ZSWIM6: variants seen among roughly 807,000 people sequenced by gnomAD.
ZSWIM6 encodes zinc finger SWIM domain-containing protein 6.
ZSWIM6 carries 9 observed loss-of-function variants against 113.2 expected under a neutral mutation model. That is an observed-to-expected ratio of 0.08 (90% CI 0.05 to 0.14). The LOEUF is 0.14. Among genes scored for constraint, ZSWIM6 ranks in the 10% least tolerant of loss-of-function variants. The probability of loss-of-function intolerance (pLI) is 1.00; values close to 1 mark genes in which losing one functional copy is unlikely to be tolerated. For missense variants in ZSWIM6, 1,162 were observed against 1,552.2 expected (o/e 0.75, Z 4.22); for synonymous variants, 611 against 606.5 (o/e 1.01, Z -0.11).
intron 4 of ZSWIM6, among the ~76,000 whole-genome samples, chr5:61,509,693 C>CATTCCTACCATTATTAT (rs1748727682): frequency 6.6e-6 from 1 of 151,996 alleles, no homozygotes; most frequent in African/African-American, 2.4e-5. Flanking sequence ...ATTTAAAAGT[C>CATTCCTACCATTATTAT]GCTTATTGAA....
intron 5 of ZSWIM6, among the ~76,000 whole-genome samples, chr5:61,522,996 G>A (rs1055841551): frequency 1.3e-5 from 2 of 152,218 alleles, no homozygotes; most frequent in African/African-American, 4.8e-5. Context: ...CAGACTTAAA[G>A]AGTTCATTTC....
intron 2 of ZSWIM6, among the ~76,000 whole-genome samples, chr5:61,481,869 GA>G (rs377680150): frequency 9.3e-4 from 141 of 152,142 alleles, no homozygotes; most frequent in African/African-American, 3.2e-3. Context: ...AAGGCCTGAA[GA>G]ATTAAACTTC....
intron 1 of ZSWIM6, among the ~76,000 whole-genome samples, chr5:61,398,149 C>T (rs1745878358): frequency 6.6e-6 from 1 of 152,104 alleles, no homozygotes; most frequent in African/African-American, 2.4e-5. Context: ...ACCCCTGGGG[C>T]CATGGAACCC....
intron 1 of ZSWIM6, among the ~76,000 whole-genome samples, chr5:61,446,651 A>G (rs1746959798): frequency 1.3e-5 from 2 of 152,184 alleles, no homozygotes; most frequent in Non-Finnish European, 2.9e-5. Flanking sequence ...TTCTGAAGAC[A>G]TTTCTGTTTT....
intron 4 of ZSWIM6, among the ~76,000 whole-genome samples, chr5:61,510,500 G>GC (rs1748751720): frequency 7.8e-6 from 1 of 127,948 alleles, no homozygotes; most frequent in Non-Finnish European, 1.7e-5. Flanking sequence ...TGTGACGAAT[G>GC]CTTTTTTTTT....
chr5:61,339,905 T>C (rs540089588), intron 1 of ZSWIM6, among the ~76,000 whole-genome samples: 2 of 152,350 alleles, frequency 1.3e-5, no homozygotes, highest in Admixed American at 1.3e-4. Context: ...GTTTCCCTCT[T>C]TAAGTGCATG....
rs571007890 is a variant in ZSWIM6 at position 61,428,781 on chromosome 5, G to A, written c.677-43900G>A. Among the ~76,000 whole-genome samples the A allele has an allele frequency of 5.3e-4, 80 of 152,178 alleles. 1 individual carries two copies. The highest frequency in any genetic ancestry group is 3.4e-3 in the Middle Eastern group (1 of 294). On this transcript the variant is annotated intron_variant, in intron 1 of 13. Transcript: ENST00000252744. ...TCTTCATATTATAACAACTTACATTGTTTGAGCTTTTAGTTTTCTGTTGTT... is the reference window on the plus strand; with the variant it reads ...TCTTCATATTATAACAACTTACATTATTTGAGCTTTTAGTTTTCTGTTGTT...
At position 61,546,135 on chromosome 5, in the gene ZSWIM6, AT is replaced by A. The variant is rs984755821; in HGVS notation, c.*1823del. On this transcript the variant is annotated 3_prime_UTR_variant, in exon 14 of 14. Coordinates refer to ENST00000252744, the MANE Select transcript of ZSWIM6 (RefSeq NM_020928.2). Reference sequence around the variant, plus strand: ...TTTATAAACTTGTTAATGATCAACAATTTTTGTTTTGATTAAAATTAGTTTT... The same window carrying A: ...TTTATAAACTTGTTAATGATCAACAATTTTGTTTTGATTAAAATTAGTTTT... 2 of 152,212 alleles carry A rather than the reference AT, an allele frequency of 1.3e-5. No individual in the cohort carries two copies. The highest frequency in any genetic ancestry group is 2.9e-5 in the Non-Finnish European group (2 of 68,032). 9.4% of individuals were successfully genotyped at this position (152,212 alleles called of 1,614,324 possible). A position where few individuals can be genotyped will look rare whatever the true frequency, so the allele number is the denominator to read the frequency against.
At chr5:61,397,477 C>G (rs773194873) in intron 1 of ZSWIM6, among the ~76,000 whole-genome samples, 1 of 152,018 alleles carries the variant, frequency 6.6e-6, no homozygotes, top group Non-Finnish European at 1.5e-5. Context: ...TGTGAATCAT[C>G]AGCCCTGCAG....
At chr5:61,411,041 AC>A (rs1746140366) in intron 1 of ZSWIM6, among the ~76,000 whole-genome samples, 1 of 152,202 alleles carries the variant, frequency 6.6e-6, no homozygotes, top group Non-Finnish European at 1.5e-5. Context: ...AGAAATGGCA[AC>A]CTGGTGTGGA....
intron 1 of ZSWIM6, among the ~76,000 whole-genome samples, chr5:61,446,256 C>G (rs987956992): frequency 6.6e-6 from 1 of 152,164 alleles, no homozygotes; most frequent in African/African-American, 2.4e-5. Context: ...ATCTCCTGAC[C>G]TCATGATCCA....
intron 1 of ZSWIM6, chr5:61,391,324 A>G: frequency 1.2e-6 from 1 of 826,548 alleles, no homozygotes; most frequent in South Asian, 1.3e-5. Context: ...CTTTACCTGG[A>G]TCTCCATCAG....
chr5:61,483,401 A>C (rs1015332272), intron 2 of ZSWIM6, among the ~76,000 whole-genome samples: 5 of 152,220 alleles, frequency 3.3e-5, no homozygotes, highest in African/African-American at 1.2e-4. Flanking sequence ...AAATTTCAAC[A>C]TGAGTTTTGG....
At chr5:61,390,585 ATGCTATC>A in intron 1 of ZSWIM6, 1 of 600,048 alleles carries the variant, frequency 1.7e-6, no homozygotes, top group Non-Finnish European at 3.1e-6. Flanking sequence ...CATTGTCAGA[ATGCTATC>A]TCAAAAATGG....
At chr5:61,443,748 T>A (rs141873345) in intron 1 of ZSWIM6, among the ~76,000 whole-genome samples, 158 of 152,302 alleles carry the variant, frequency 1.0e-3, no homozygotes, top group African/African-American at 3.6e-3. Flanking sequence ...CAACCACATC[T>A]GCCTCTCCTT....
At chr5:61,502,718 G>C (rs963552530) in intron 4 of ZSWIM6, among the ~76,000 whole-genome samples, 4 of 152,198 alleles carry the variant, frequency 2.6e-5, no homozygotes, top group Admixed American at 1.3e-4. Context: ...AGGCAACTGA[G>C]CATTACTGCC....
intron 1 of ZSWIM6, among the ~76,000 whole-genome samples, chr5:61,373,372 C>CTTTTTTTTTTT (rs748556109): frequency 1.1e-4 from 11 of 102,966 alleles, no homozygotes; most frequent in Non-Finnish European, 1.3e-4. Flanking sequence ...CTCAGTATTT[C>CTTTTTTTTTTT]TTTTTTTTTT....
rs921808376 is a variant in ZSWIM6, at chr5:61,530,081, A to G, written c.1867A>G (p.Thr623Ala). 56 of 1,551,182 alleles carry G rather than the reference A, an allele frequency of 3.6e-5. No individual in the cohort carries two copies. Among genetic ancestry groups the G allele is most frequent in the Non-Finnish European group, 4.9e-5 (56 of 1,146,788 alleles). The change falls in exon 8 of 14, where the codon ACC (threonine) becomes GCC (alanine). Residue 623 changes from threonine to alanine, a missense_variant. Physicochemically the swap from Thr to Ala is moderately conservative, Grantham distance 58. Transcript: ENST00000252744. The part of the protein sequence containing the change: ...ELPHKNITSI[T>A]NLEGWVGHPL... ...ACCCCATAAAAACATAACCTCGATA[A>G]CCAATCTGGAGGGCTGGGTTGGACA... is the stretch of plus-strand genomic sequence containing the variant.
intron 1 of ZSWIM6, among the ~76,000 whole-genome samples, chr5:61,381,650 C>T (rs1745489717): frequency 5.3e-5 from 8 of 152,174 alleles, no homozygotes; most frequent in Admixed American, 3.3e-4. Context: ...AACTAACACA[C>T]AGTATATTAC....
Sources: allele counts gnomAD v4.1 joint callset (sites outside exome capture counted in the v4.1 genomes callset), GRCh38; gene constraint gnomAD v4.1.1; transcripts MANE v1.5; gene names NCBI Gene and HGNC (gene_info 2026-07-23, HGNC 2026-07-21).